Variants in KCNMA1 observed in about 807,000 individuals in gnomAD.
KCNMA1 encodes the protein potassium calcium-activated channel subfamily M alpha 1, also known as Calcium-activated potassium channel subunit alpha-1.
In KCNMA1, 29 loss-of-function variants were observed where a neutral mutation model predicts 140.0. The observed-to-expected ratio is 0.21, with a 90% confidence interval of 0.15 to 0.28. The LOEUF (loss-of-function observed/expected upper bound fraction) is 0.28, where lower values mean the gene tolerates loss of function less well. Among genes scored for constraint, KCNMA1 ranks in the 10% least tolerant of loss-of-function variants. KCNMA1 has a pLI of 1.00. For missense variants in KCNMA1, 880 were observed against 1,602.2 expected, an observed-to-expected ratio of 0.55 and a Z score of 7.70; for synonymous variants, 612 against 611.9, an observed-to-expected ratio of 1.00 and a Z score of 0.00.
At chr10:77,466,657 G>C (rs2098023306) in intron 1 of KCNMA1, among the ~76,000 whole-genome samples, 1 of 152,176 alleles carries the variant, frequency 6.6e-6, no homozygotes, top group African/African-American at 2.4e-5. Flanking sequence ...GTCACAGAAA[G>C]ACTGATGCAA....
intron 1 of KCNMA1, among the ~76,000 whole-genome samples, chr10:77,506,596 A>T (rs12764930): frequency 0.23 from 19,457 of 83,630 alleles, 2,230 homozygotes; most frequent in Middle Eastern, 0.37. Context: ...AGAGAGAGAG[A>T]GTGTGTGTGT....
At chr10:77,213,164 T>C (rs1365488730) in intron 3 of KCNMA1, among the ~76,000 whole-genome samples, 1 of 152,206 alleles carries the variant, frequency 6.6e-6, no homozygotes. Context: ...TGACGTGTAA[T>C]GATACAATTA....
Position 77,108,127 on chromosome 10 carries a change from C to T in KCNMA1, c.1223+354G>A, listed in dbSNP as rs890844374. Among the ~76,000 whole-genome samples, 1 of 152,100 alleles carries T rather than the reference C, an allele frequency of 6.6e-6. No individual in the cohort carries two copies. The highest frequency in any genetic ancestry group is 2.1e-4 in the South Asian group (1 of 4,828). On this transcript the variant is annotated intron_variant, in intron 9 of 27. Coordinates refer to ENST00000286628, the MANE Select transcript of KCNMA1 (RefSeq NM_001161352.2). The surrounding 1 kb of genome is among the most constrained non-coding windows in gnomAD (Gnocchi z 4.6). ...ATGGGAGTTGGTCCAAGCGTGGCAA[C>T]GTCCTCGGGTCACCTCTGACATCAC...
chr10:77,572,280 C>A (rs1339405031), intron 1 of KCNMA1, among the ~76,000 whole-genome samples: 1 of 151,566 alleles, frequency 6.6e-6, no homozygotes, highest in Non-Finnish European at 1.5e-5. Flanking sequence ...GAAACCAGAC[C>A]ACACACAACA....
At chr10:77,372,880 C>T (rs1360796122) in intron 2 of KCNMA1, 1 of 152,150 alleles carries the variant, frequency 6.6e-6, no homozygotes, top group Admixed American at 6.5e-5. Flanking sequence ...GTGTCATGTC[C>T]TTTCAAGGTC....
intron 3 of KCNMA1, among the ~76,000 whole-genome samples, chr10:77,189,893 C>T (rs1319768765): frequency 6.6e-6 from 1 of 152,170 alleles, no homozygotes; most frequent in Non-Finnish European, 1.5e-5. Flanking sequence ...TGTCATTCAT[C>T]CACCATCACG....
rs771995453 is a variant in KCNMA1, at chr10:77,427,720, CATTTATTT to C, written c.379-23705_379-23698del. Among the ~76,000 whole-genome samples, 337 of 67,994 alleles carry C rather than the reference CATTTATTT, an allele frequency of 5.0e-3. 3 individuals carry two copies. Among genetic ancestry groups the C allele is most frequent in the Middle Eastern group, 0.014 (2 of 148 alleles). The allele number at this position is 67,994 out of a possible 152,430, so 44.6% of individuals were successfully genotyped here. ...ATCCAATCCTGAGCATCCATCCATT[CATTTATTT>C]ATTTATTTATTTATTTATTTATTTA... On this transcript the variant is annotated intron_variant, in intron 1 of 27. Transcript: ENST00000286628.
chr10:77,110,026 C>A lies in KCNMA1; in HGVS notation c.1131+147G>T, dbSNP rs1015357752. The A allele has an allele frequency of 4.0e-6, 3 of 744,248 alleles. No individual in the cohort carries two copies. In the Admixed American group the frequency reaches 6.3e-5, roughly 16 times the overall value. The allele number at this position is 744,248 out of a possible 1,614,324, so 46.1% of individuals were successfully genotyped here. A position where few individuals can be genotyped will look rare whatever the true frequency, so the allele number is the denominator to read the frequency against. ...AAGAATTATGCAGAAAAGTCACCAT[C>A]GTGTTTGGATTTACTTAGCCTGATT... On this transcript the variant is annotated intron_variant, in intron 8 of 27. Transcript: ENST00000286628.
intron 19 of KCNMA1, among the ~76,000 whole-genome samples, chr10:76,996,979 G>A (rs2153381314): frequency 1.3e-5 from 2 of 152,074 alleles, no homozygotes; most frequent in African/African-American, 4.8e-5. Flanking sequence ...GATAGGGTGT[G>A]TCCTATTATA....
chr10:77,598,003 A>T (rs1210427926), intron 1 of KCNMA1, among the ~76,000 whole-genome samples: 1 of 152,114 alleles, frequency 6.6e-6, no homozygotes, highest in Non-Finnish European at 1.5e-5. Context: ...ACTGAGTCTC[A>T]CTTTGCCACC....
intron 15 of KCNMA1, among the ~76,000 whole-genome samples, chr10:77,032,773 G>A (rs1409711846): frequency 6.6e-6 from 1 of 150,834 alleles, no homozygotes; most frequent in Non-Finnish European, 1.5e-5. Flanking sequence ...GTTAACTACA[G>A]TAGTTTCAAC....
intron 24 of KCNMA1, chr10:76,912,799 G>A (rs756311313): frequency 1.1e-4 from 16 of 152,196 alleles, no homozygotes; most frequent in Non-Finnish European, 1.8e-4. Flanking sequence ...GTGAGATGGA[G>A]ATGTTTGGAT....
At chr10:77,544,871 T>C (rs1188659316) in intron 1 of KCNMA1, among the ~76,000 whole-genome samples, 8 of 152,224 alleles carry the variant, frequency 5.3e-5, no homozygotes, top group Admixed American at 5.2e-4. Flanking sequence ...CCAATGGCAC[T>C]GACTCTGCTC....
chr10:77,467,500 T>G (rs559523426), intron 1 of KCNMA1, among the ~76,000 whole-genome samples: 1 of 152,300 alleles, frequency 6.6e-6, no homozygotes, highest in African/African-American at 2.4e-5. Context: ...TTGGACTTCA[T>G]CCTCAGTCAT....
chr10:77,433,260 C>G (rs1341998411), intron 1 of KCNMA1, among the ~76,000 whole-genome samples: 1 of 152,164 alleles, frequency 6.6e-6, no homozygotes, highest in Non-Finnish European at 1.5e-5. Context: ...TCAAGCAATT[C>G]TCACGCCTCA....
intron 19 of KCNMA1, among the ~76,000 whole-genome samples, chr10:76,998,921 A>C (rs2085261016): frequency 6.6e-6 from 1 of 152,250 alleles, no homozygotes; most frequent in Admixed American, 6.5e-5. Context: ...GTGGTCTCAC[A>C]CAGGGATGGA....
At chr10:77,338,289 A>C (rs1227297512) in intron 2 of KCNMA1, among the ~76,000 whole-genome samples, 1 of 152,052 alleles carries the variant, frequency 6.6e-6, no homozygotes, top group East Asian at 1.9e-4. Context: ...TTATATACCC[A>C]TCTCCCGCCC....
At chr10:76,993,843 G>T (rs1235563492) in intron 19 of KCNMA1, among the ~76,000 whole-genome samples, 1 of 152,214 alleles carries the variant, frequency 6.6e-6, no homozygotes, top group African/African-American at 2.4e-5. Flanking sequence ...TTACCCTTCA[G>T]GGGGGTCAAT....
intron 25 of KCNMA1, among the ~76,000 whole-genome samples, chr10:76,892,216 C>T (rs985421953): frequency 3.9e-5 from 6 of 152,154 alleles, no homozygotes; most frequent in African/African-American, 7.2e-5. Context: ...TTACCACATG[C>T]GTTGATAACT....
Sources: gnomAD v4.1 joint callset for allele counts (sites outside exome capture counted in the v4.1 genomes callset) on GRCh38, gnomAD v4.1.1 for gene constraint, Gnocchi (gnomAD v3.1) non-coding constraint, MANE v1.5 for transcripts, NCBI Gene and HGNC (gene_info 2026-07-23, HGNC 2026-07-21) for gene names.